IGSF10: variants seen among roughly 807,000 people sequenced by gnomAD.
The protein encoded by IGSF10 is calvaria mechanical force protein 608.
In IGSF10, 126 loss-of-function variants were observed where a neutral mutation model predicts 128.2. The observed-to-expected ratio is 0.98, with a 90% CI of 0.85 to 1.14. IGSF10 has a LOEUF of 1.14. IGSF10 is among the 50% of genes most tolerant of loss of function. The pLI, the probability that IGSF10 is intolerant of heterozygous loss-of-function variation, is 0.00. For synonymous variants in IGSF10, 1,185 were observed against 1,146.2 expected (o/e 1.03, Z -0.68); for missense variants, 3,295 against 3,149.8 (o/e 1.05, Z -1.10).
chr3:151,612,605 T>C, the IGSF10 span, among the ~76,000 whole-genome samples: 1 of 152,164 alleles, frequency 6.6e-6, no homozygotes, highest in Admixed American at 6.5e-5. Flanking sequence ...AGCCAACTTA[T>C]AGCTGATAAT....
the IGSF10 span, among the ~76,000 whole-genome samples, chr3:151,603,772 A>G: frequency 6.6e-6 from 1 of 152,230 alleles, no homozygotes; most frequent in Non-Finnish European, 1.5e-5. Context: ...TTCTCATTCA[A>G]TGGCTGATAG....
the IGSF10 span, among the ~76,000 whole-genome samples, chr3:151,483,237 T>A: frequency 6.6e-6 from 1 of 152,158 alleles, no homozygotes; most frequent in Non-Finnish European, 1.5e-5. Flanking sequence ...TAACAAAAGC[T>A]ACAATAAGTT....
At chr3:151,596,660 G>T in the IGSF10 span, among the ~76,000 whole-genome samples, 2 of 152,020 alleles carry the variant, frequency 1.3e-5, no homozygotes, top group South Asian at 4.1e-4. Context: ...CCTTCCTTAG[G>T]TCCCAGTTAC....
chr3:151,495,518 A>G, the IGSF10 span, among the ~76,000 whole-genome samples: 2 of 152,132 alleles, frequency 1.3e-5, no homozygotes, highest in East Asian at 3.9e-4. Flanking sequence ...CCGTGACAAC[A>G]TTAGAGATAA....
the IGSF10 span, among the ~76,000 whole-genome samples, chr3:151,530,429 G>T: frequency 6.6e-6 from 1 of 152,050 alleles, no homozygotes; most frequent in African/African-American, 2.4e-5. Flanking sequence ...CACCAAGGTT[G>T]AAATGAAGGA....
At chr3:151,494,698 AT>A in the IGSF10 span, among the ~76,000 whole-genome samples, 6 of 152,120 alleles carry the variant, frequency 3.9e-5, no homozygotes, top group Non-Finnish European at 8.8e-5. Flanking sequence ...TTTACCTTTT[AT>A]TCATAGATTC....
chr3:151,511,814 C>T, the IGSF10 span, among the ~76,000 whole-genome samples: 7 of 152,082 alleles, frequency 4.6e-5, no homozygotes, highest in Non-Finnish European at 1.0e-4. Flanking sequence ...AGTTGTAATC[C>T]TAGTCTCGGA....
the IGSF10 span, among the ~76,000 whole-genome samples, chr3:151,496,888 T>G: frequency 5.4e-3 from 815 of 152,116 alleles, 10 homozygotes; most frequent in African/African-American, 0.019. Context: ...GTGGGAGATG[T>G]TATCTCATTG....
chr3:151,513,652 A>G, the IGSF10 span, among the ~76,000 whole-genome samples: 1 of 152,202 alleles, frequency 6.6e-6, no homozygotes, highest in African/African-American at 2.4e-5. Context: ...AATAAAGGGC[A>G]TTCAACTAGG....
upstream of IGSF10, chr3:151,461,141 A>G: frequency 2.0e-6 from 2 of 985,280 alleles, no homozygotes; most frequent in Non-Finnish European, 2.4e-6. Flanking sequence ...CAAGGATGAG[A>G]AACGACCACC....
At chr3:151,488,728 A>T in the IGSF10 span, among the ~76,000 whole-genome samples, 3 of 152,230 alleles carry the variant, frequency 2.0e-5, no homozygotes, top group Admixed American at 1.3e-4. Context: ...TGGGGAAAGG[A>T]TTCCTTATTT....
Position 151,443,247 on chromosome 3 carries a change from C to T in IGSF10, c.5700G>A (p.Gly1900=), listed in dbSNP as rs1720964524. Residue 1900 remains glycine (G), a synonymous_variant, in exon 7 of 8, where the codon GGG becomes GGA. Coordinates refer to ENST00000282466, the MANE Select transcript of IGSF10 (RefSeq NM_178822.5). ...TNSKLFLFSN[G]TLYIRNLASS... is the part of the protein sequence containing the mutation. ...AGGCTAGGTTTCTTATATACAAAGTCCCATTTGAAAATAAGAACAACTTGG... is the reference window on the plus strand; with the variant it reads ...AGGCTAGGTTTCTTATATACAAAGTTCCATTTGAAAATAAGAACAACTTGG... 1.2e-6 allele frequency: 2 copies of T among 1,611,604 alleles called. No homozygotes were observed. The highest frequency in any genetic ancestry group is 1.7e-5 in the Admixed American group (1 of 59,638).
chr3:151,607,408 A>G, the IGSF10 span, among the ~76,000 whole-genome samples: 55 of 152,284 alleles, frequency 3.6e-4, no homozygotes, highest in African/African-American at 1.3e-3. Flanking sequence ...ATTTTAAAAA[A>G]AAACCACTAA....
the IGSF10 span, among the ~76,000 whole-genome samples, chr3:151,576,103 T>C: frequency 6.6e-6 from 1 of 151,948 alleles, no homozygotes; most frequent in East Asian, 1.9e-4. Context: ...TTATTATTAG[T>C]TTATGTCTGT....
At chr3:151,462,703 T>C (rs1722108049), upstream of IGSF10, among the ~76,000 whole-genome samples, 1 of 152,206 alleles carries the variant, frequency 6.6e-6, no homozygotes, top group Admixed American at 6.5e-5. Context: ...CCATATCCCA[T>C]GCCGAGCATT....
chr3:151,492,755 A>AAAC, the IGSF10 span, among the ~76,000 whole-genome samples: 4 of 148,094 alleles, frequency 2.7e-5, no homozygotes, highest in African/African-American at 9.9e-5. Flanking sequence ...GCAAACAAAC[A>AAAC]AAACCCCATC....
chr3:151,612,315 A>C, the IGSF10 span, among the ~76,000 whole-genome samples: 195 of 152,314 alleles, frequency 1.3e-3, no homozygotes, highest in African/African-American at 4.4e-3. Flanking sequence ...AGTGTGAATA[A>C]GATGATTTCA....
At chr3:151,581,025 A>G in the IGSF10 span, among the ~76,000 whole-genome samples, 1 of 152,128 alleles carries the variant, frequency 6.6e-6, no homozygotes, top group Non-Finnish European at 1.5e-5. Context: ...ATCATAGCAG[A>G]AAAAGCTATT....
chr3:151,501,362 T>C, the IGSF10 span, among the ~76,000 whole-genome samples: 5 of 152,044 alleles, frequency 3.3e-5, no homozygotes, highest in Non-Finnish European at 7.4e-5. Flanking sequence ...ATCTTTTTTA[T>C]ATGTAAAATA....
Sources: allele counts gnomAD v4.1 joint callset (sites outside exome capture counted in the v4.1 genomes callset), GRCh38; gene constraint gnomAD v4.1.1; transcripts MANE v1.5; gene names NCBI Gene and HGNC (gene_info 2026-07-23, HGNC 2026-07-21).